Variants in HERC2 observed in about 807,000 individuals in gnomAD.
The protein encoded by HERC2 is HECT and RLD domain containing E3 ubiquitin protein ligase 2.
A neutral mutation model predicts 537.7 loss-of-function variants in HERC2; 102 were observed. The ratio of observed to expected loss-of-function variants is 0.19; its 90% CI spans 0.16 to 0.22. HERC2 has a LOEUF of 0.22. HERC2 is among the 10% of genes least tolerant of loss of function. The pLI is 1.00. For missense variants in HERC2, 4,236 were observed against 6,198.2 expected, an observed-to-expected ratio of 0.68 and a Z score of 10.63; for synonymous variants, 2,224 against 2,466.2, an observed-to-expected ratio of 0.90 and a Z score of 2.91.
Position 28,194,475 on chromosome 15 carries a change from C to T in HERC2, c.8260+1740G>A, listed in dbSNP as rs569945936. On this transcript the variant is annotated intron_variant, in intron 52 of 92. Transcript: ENST00000261609. ...GTCGCAGCTACTCGGGAGGCTGAAGCGGGAGAATGGCATGAACCCGGGAAG... is the reference window on the plus strand; with the variant it reads ...GTCGCAGCTACTCGGGAGGCTGAAGTGGGAGAATGGCATGAACCCGGGAAG... Among the ~76,000 whole-genome samples, 581 of 151,152 alleles carry T rather than the reference C, an allele frequency of 3.8e-3. 8 individuals carry two copies. Among genetic ancestry groups the T allele is most frequent in the South Asian group, 0.031 (147 of 4,788 alleles).
At chr15:28,271,926 G>A in intron 9 of HERC2, 1 of 443,102 alleles carries the variant, frequency 2.3e-6, no homozygotes, top group Non-Finnish European at 4.0e-6. Context: ...CAGTACATAG[G>A]AAGGACCAAC....
intron 83 of HERC2, among the ~76,000 whole-genome samples, chr15:28,128,637 C>T (rs1389521327): frequency 3.3e-5 from 5 of 152,204 alleles, no homozygotes; most frequent in East Asian, 1.9e-4. Context: ...TGTGCGAAGG[C>T]CATGTTAATG....
chr15:28,222,392 C>T (rs1181131239), intron 35 of HERC2, among the ~76,000 whole-genome samples, 177 bp from the exon 36 acceptor site: 3 of 151,156 alleles, frequency 2.0e-5, no homozygotes, highest in East Asian at 1.9e-4. Context: ...AGAAGATAAA[C>T]GGAAGGATGA....
intron 68 of HERC2, among the ~76,000 whole-genome samples, chr15:28,164,632 A>G (rs764314449): frequency 2.6e-5 from 4 of 152,212 alleles, no homozygotes; most frequent in Non-Finnish European, 4.4e-5. Flanking sequence ...CTAGCGGCAT[A>G]TCCTTAAATA....
At chr15:28,310,757 A>G (rs893922265) in intron 2 of HERC2, among the ~76,000 whole-genome samples, 5 of 152,148 alleles carry the variant, frequency 3.3e-5, no homozygotes, top group Admixed American at 1.3e-4. Context: ...AGTGTTTCAG[A>G]AAACAGAAAC....
rs2075549966 is a variant in HERC2 at position 28,265,811 on chromosome 15, A to G, written c.1756+6T>C. 6.2e-7 allele frequency: 1 copy of G among 1,614,060 alleles called. No homozygotes were observed. Among genetic ancestry groups the G allele is most frequent in the Admixed American group, 1.7e-5 (1 of 59,998 alleles). On this transcript the variant is annotated splice_donor_region_variant and intron_variant, in intron 13 of 92. Coordinates refer to ENST00000261609, the MANE Select transcript of HERC2 (RefSeq NM_004667.6). The surrounding 1 kb of genome is among the most constrained non-coding windows in gnomAD (Gnocchi z 4.0). Reference sequence around the variant, plus strand: ...GCATGCTCCCACTCATGCAGAGCAGACGTACCATGGCCCAGCCGGCCGTAG... The same window carrying G: ...GCATGCTCCCACTCATGCAGAGCAGGCGTACCATGGCCCAGCCGGCCGTAG...
At chr15:28,119,346 GC>G (rs1888624922) in intron 86 of HERC2, among the ~76,000 whole-genome samples, 1 of 148,554 alleles carries the variant, frequency 6.7e-6, no homozygotes, top group Non-Finnish European at 1.5e-5. Flanking sequence ...GTTGCAGTGA[GC>G]CAAGATTGCA....
rs530435799 is a variant in HERC2, at chr15:28,191,071, G to T, written c.8558-15C>A. On this transcript the variant is annotated splice_polypyrimidine_tract_variant and intron_variant, in intron 54 of 92. Transcript: ENST00000261609. ...GGAATTTCCACCTAGGAAAAAATGG[G>T]TAAAGAATCAAACAAAGGCGTCTTT... 2.0e-4 allele frequency: 325 copies of T among 1,600,576 alleles called. 3 individuals are homozygous for T. In the South Asian group the frequency reaches 3.4e-3, roughly 17 times the overall value.
chr15:28,248,632 T>G lies in HERC2; in HGVS notation c.3155A>C (p.Asp1052Ala). 1 of 1,613,886 alleles carries G rather than the reference T, an allele frequency of 6.2e-7. No individual in the cohort carries two copies. The change falls in exon 21 of 93, where the codon GAT (aspartate) becomes GCT (alanine). Residue 1052 changes from aspartate (D) to alanine (A), a missense_variant. This residue lies in a region of HERC2 where 754 missense variants were observed against 1,085.0 expected (regional missense o/e 0.69). Coordinates refer to ENST00000261609, the MANE Select transcript of HERC2 (RefSeq NM_004667.6). ...QHSRERSASL[D>A]LLLRFQRLLI... ...CAAACGTTGAAAACGCAGTAACAAA[T>G]CCAATGAAGCAGATCTTTCACGACT...
chr15:28,280,127 C>G lies in HERC2; in HGVS notation c.483G>C (p.Glu161Asp). ...FIALNRTVFQ[E>D]NVKVKWKSSG... ...TGCTTTTCCACTTAACTTTGACATT[C>G]TCCTGAAAAACGGTTCTATTCAAGG... The change falls in exon 5 of 93, where the codon GAG becomes GAC. Residue 161 changes from glutamate (E) to aspartate (D), a missense_variant. Transcript: ENST00000261609. 3 of 1,614,136 alleles carry G rather than the reference C, an allele frequency of 1.9e-6. No individual in the cohort carries two copies. The highest frequency in any genetic ancestry group is 2.5e-6 in the Non-Finnish European group (3 of 1,180,020).
chr15:28,161,159 G>A (rs756612640), intron 69 of HERC2, among the ~76,000 whole-genome samples: 4 of 152,216 alleles, frequency 2.6e-5, no homozygotes, highest in East Asian at 1.9e-4. Context: ...GTACTTTATC[G>A]TTTTGGTGAT....
intron 70 of HERC2, among the ~76,000 whole-genome samples, chr15:28,152,307 G>GT (rs768302269): frequency 2.9e-4 from 44 of 152,180 alleles, no homozygotes; most frequent in Non-Finnish European, 5.9e-4. Flanking sequence ...ATACACGTGG[G>GT]TAACAGAAGC....
rs112275498 is a variant in HERC2 at position 28,175,463 on chromosome 15, TCCC to T, written c.9831+46_9831+48del. ...CGAAGGCCGTGTCATGACCCCCACG[TCCC>T]CCAAGTCAGGATGGCACGCCACCCC... On this transcript the variant is annotated intron_variant, in intron 64 of 92. Transcript: ENST00000261609. 10,564 of 1,532,874 alleles carry T rather than the reference TCCC, an allele frequency of 6.9e-3. 593 individuals are homozygous for T. The African/African-American group carries it at 0.13, about 18-fold the overall frequency. The allele number at this position is 1,532,874 out of a possible 1,614,324, so 95.0% of individuals were successfully genotyped here.
chr15:28,261,588 G>C (rs1001787203), intron 15 of HERC2, among the ~76,000 whole-genome samples: 4 of 152,192 alleles, frequency 2.6e-5, no homozygotes, highest in African/African-American at 9.6e-5. Context: ...CAACAAAAAA[G>C]GTGTTTCTCA....
intron 57 of HERC2, 149 bp downstream of exon 57, chr15:28,182,252 G>T: frequency 1.9e-6 from 1 of 517,818 alleles, no homozygotes; most frequent in Non-Finnish European, 3.4e-6. Flanking sequence ...TTCAAGGAGA[G>T]ACGCTTCTGA....
intron 35 of HERC2, among the ~76,000 whole-genome samples, chr15:28,223,928 T>G (rs1230507071): frequency 6.6e-6 from 1 of 152,032 alleles, no homozygotes; most frequent in South Asian, 2.1e-4. Context: ...TGTTACTTAT[T>G]GGAACCTCTG....
chr15:28,251,305 T>A (rs1229487346), intron 20 of HERC2, among the ~76,000 whole-genome samples: 5 of 151,714 alleles, frequency 3.3e-5, no homozygotes, highest in African/African-American at 9.7e-5. Flanking sequence ...TAGTCAGGTA[T>A]GGTGGCATGC....
chr15:28,194,924 T>C (rs1897206302), intron 52 of HERC2, among the ~76,000 whole-genome samples: 1 of 151,264 alleles, frequency 6.6e-6, no homozygotes, highest in Non-Finnish European at 1.5e-5. Flanking sequence ...GGCATGGTGG[T>C]GGGAGCCTGT....
chr15:28,148,037 CAA>C (rs539057001), intron 70 of HERC2, among the ~76,000 whole-genome samples: 30 of 93,620 alleles, frequency 3.2e-4, no homozygotes, highest in Admixed American at 6.0e-4. Flanking sequence ...ACTGTGTCTC[CAA>C]AAAAAAAAAA....
Sources: allele counts gnomAD v4.1 joint callset (sites outside exome capture counted in the v4.1 genomes callset), GRCh38; gene constraint gnomAD v4.1.1; regional missense constraint gnomAD v4.1.1; non-coding constraint Gnocchi (gnomAD v3.1); transcripts MANE v1.5; gene names NCBI Gene and HGNC (gene_info 2026-07-23, HGNC 2026-07-21).